ODF2L: variants seen among roughly 807,000 people sequenced by gnomAD.
ODF2L encodes protein BCAP.
Under a neutral mutation model 86.3 loss-of-function variants are expected in ODF2L, and 76 were observed. That is an observed-to-expected ratio of 0.88 (90% CI 0.73 to 1.07). ODF2L has a LOEUF of 1.07. Ranked by LOEUF, ODF2L falls within the 50% of genes least tolerant of loss-of-function variation. The probability of loss-of-function intolerance (pLI) is 0.00; values close to 1 mark genes in which losing one functional copy is unlikely to be tolerated. For missense variants in ODF2L, 748 were observed against 717.4 expected (o/e 1.04, Z -0.49); for synonymous variants, 241 against 231.3 (o/e 1.04, Z -0.38).
intron 11 of ODF2L, among the ~76,000 whole-genome samples, chr1:86,365,759 G>A (rs12034967): frequency 1.3e-5 from 2 of 152,142 alleles, no homozygotes; most frequent in African/African-American, 4.8e-5. Context: ...TTTAGCTAAC[G>A]AGGAAGTTCA....
At chr1:86,372,709 C>T in intron 8 of ODF2L, 169 bp from the exon 9 acceptor site, 1 of 398,634 alleles carries the variant, frequency 2.5e-6, no homozygotes, top group Non-Finnish European at 4.5e-6. Flanking sequence ...TTCATAATTG[C>T]AAAAATATGG....
intron 1 of ODF2L, among the ~76,000 whole-genome samples, chr1:86,387,659 A>C (rs1661045388): frequency 6.6e-6 from 1 of 152,154 alleles, no homozygotes; most frequent in African/African-American, 2.4e-5. Flanking sequence ...AAATTTTACC[A>C]ATCTAATTGT....
intron 14 of ODF2L, chr1:86,355,312 CAA>C: frequency 1.4e-6 from 2 of 1,418,018 alleles, no homozygotes; most frequent in East Asian, 2.5e-5. Flanking sequence ...TTTTGAGAAG[CAA>C]AGTGAACAAA....
chr1:86,381,314 A>G (rs1660569105), intron 7 of ODF2L, among the ~76,000 whole-genome samples: 1 of 148,500 alleles, frequency 6.7e-6, no homozygotes, highest in African/African-American at 2.4e-5. Context: ...ATTCAATCAC[A>G]TGTGTTCTCC....
chr1:86,373,297 A>G (rs1248743917), intron 8 of ODF2L, among the ~76,000 whole-genome samples: 1 of 147,328 alleles, frequency 6.8e-6, no homozygotes, highest in African/African-American at 2.5e-5. Flanking sequence ...TTTCCATTTT[A>G]CTTTTTTTTT....
chr1:86,355,281 C>G, intron 14 of ODF2L: 1 of 1,070,002 alleles, frequency 9.3e-7, no homozygotes, highest in Non-Finnish European at 1.4e-6. Context: ...GAAGTCGAAA[C>G]TGTAAATAAA....
At chr1:86,371,140 G>T in exon 10 of ODF2L, 1 of 1,494,214 alleles carries the variant, frequency 6.7e-7, no homozygotes, top group East Asian at 2.4e-5. Flanking sequence ...TCTTCCAAAA[G>T]ATTAATGATT....
exon 4 of ODF2L, chr1:86,384,701 A>T (rs1197543503): frequency 1.3e-6 from 2 of 1,513,146 alleles, no homozygotes; most frequent in East Asian, 2.5e-5. Context: ...CTTTCTAAGA[A>T]GATGTTCTAA....
chr1:86,353,083 C>T (rs760617698), intron 16 of ODF2L, 99 bp from the exon 16 acceptor site: 2 of 750,260 alleles, frequency 2.7e-6, no homozygotes, highest in South Asian at 1.7e-5. Flanking sequence ...ACAGATATTA[C>T]TTGTATGTTA....
chr1:86,370,125 CAA>C (rs1659696166), intron 10 of ODF2L, among the ~76,000 whole-genome samples: 1 of 150,020 alleles, frequency 6.7e-6, no homozygotes, highest in Non-Finnish European at 1.5e-5. Flanking sequence ...AACCTTAAAT[CAA>C]GAAAAAAAAA....
chr1:86,371,928 C>T (rs1659810858), intron 9 of ODF2L, among the ~76,000 whole-genome samples: 2 of 152,124 alleles, frequency 1.3e-5, no homozygotes, highest in African/African-American at 4.8e-5. Flanking sequence ...TGGCTCACGC[C>T]TGTAATCCCA....
chr1:86,391,269 C>T (rs1164707865), intron 1 of ODF2L, among the ~76,000 whole-genome samples: 4 of 152,130 alleles, frequency 2.6e-5, no homozygotes, highest in Non-Finnish European at 5.9e-5. Context: ...CTGCCAAAAG[C>T]AATCTACAAT....
intron 1 of ODF2L, among the ~76,000 whole-genome samples, chr1:86,392,160 A>G (rs1263963549): frequency 2.0e-5 from 3 of 152,222 alleles, no homozygotes; most frequent in African/African-American, 4.8e-5. Flanking sequence ...TCCTGCAAGC[A>G]CAGCCATAAT....
chr1:86,385,156 C>T lies in ODF2L; in HGVS notation c.246+302G>A, dbSNP rs183630069. ...ATAGAAACAGATATATTTCATCTCTCAGAAGATTTTAGTTTAAAATTCACT... is the reference window on the plus strand; with the variant it reads ...ATAGAAACAGATATATTTCATCTCTTAGAAGATTTTAGTTTAAAATTCACT... On this transcript the variant is annotated intron_variant, in intron 3 of 17. Coordinates refer to ENST00000317336, the Ensembl canonical transcript of ODF2L. Among the ~76,000 whole-genome samples the T allele has an allele frequency of 3.9e-5, 6 of 152,068 alleles. No individual in the cohort carries two copies. In the East Asian group the frequency reaches 1.2e-3, roughly 29 times the overall value.
At chr1:86,385,309 A>T in intron 3 of ODF2L, 149 bp downstream of exon 3, 1 of 513,114 alleles carries the variant, frequency 1.9e-6, no homozygotes, top group Admixed American at 3.5e-5. Context: ...GTAGTTAATG[A>T]CACAGGAATA....
rs374484026 is a variant in ODF2L at position 86,356,409 on chromosome 1, C to T, written c.1518+35G>A. The T allele has an allele frequency of 1.1e-4, 174 of 1,549,962 alleles. 2 individuals are homozygous for T. In the South Asian group the frequency reaches 1.4e-3, roughly 13 times the overall value. On this transcript the variant is annotated intron_variant, in intron 14 of 17. Transcript: ENST00000317336. ...AAATCATTCCAAAGCATTCTTTTAA[C>T]GCATCTAGCAAAACTCAGAAGGACG...
intron 2 of ODF2L, 31 bp from the exon 3 acceptor site, chr1:86,385,621 T>A: frequency 6.4e-7 from 1 of 1,571,740 alleles, no homozygotes; most frequent in Non-Finnish European, 8.7e-7. Context: ...AAAATTTAAG[T>A]TAAATCCATT....
chr1:86,379,246 A>G (rs1237999350), intron 7 of ODF2L, among the ~76,000 whole-genome samples: 1 of 152,204 alleles, frequency 6.6e-6, no homozygotes, highest in Non-Finnish European at 1.5e-5. Context: ...TCAGGCATTT[A>G]TAACAATGTT....
chr1:86,352,914 GT>G lies in ODF2L; in HGVS notation c.1837del (p.Thr613LeufsTer17). ...TTCTTCATTTTTCTTTCTAAGCTCA[GT>G]TTCCAGATCTAATATTTTAATTTGT... is the stretch of plus-strand genomic sequence containing the variant. On this transcript the variant is annotated frameshift_variant, in exon 17 of 18. Transcript: ENST00000317336. LOFTEE classifies it high-confidence loss of function. 1 of 1,550,390 alleles carries G rather than the reference GT, an allele frequency of 6.4e-7. No homozygotes were observed. Among genetic ancestry groups the G allele is most frequent in the South Asian group, 1.1e-5 (1 of 88,218 alleles).
Sources: allele counts gnomAD v4.1 joint callset (sites outside exome capture counted in the v4.1 genomes callset), GRCh38; gene constraint gnomAD v4.1.1; transcripts MANE v1.5; gene names NCBI Gene and HGNC (gene_info 2026-07-23, HGNC 2026-07-21).